The following THEMIS variants were observed in gnomAD, a reference collection of about 807,000 sequenced individuals.
THEMIS encodes the protein protein THEMIS.
THEMIS carries 37 observed loss-of-function variants against 52.6 expected under a neutral mutation model. The ratio of observed to expected loss-of-function variants is 0.70; its 90% CI spans 0.54 to 0.93. The LOEUF (loss-of-function observed/expected upper bound fraction) is 0.93. THEMIS is among the 40% of genes least tolerant of loss of function. THEMIS has a pLI of 0.00. For missense variants in THEMIS, 808 were observed against 763.1 expected (o/e 1.06, Z -0.69); for synonymous variants, 292 against 272.7 (o/e 1.07, Z -0.70).
At chr6:127,710,406 T>A (rs1773936824) in intron 5 of THEMIS, among the ~76,000 whole-genome samples, 4 of 152,002 alleles carry the variant, frequency 2.6e-5, no homozygotes, top group Admixed American at 2.6e-4. Context: ...AGTAAGAAGA[T>A]GAAGCTGATT....
chr6:127,887,913 C>T (rs553846168), intron 1 of THEMIS, among the ~76,000 whole-genome samples: 1 of 152,104 alleles, frequency 6.6e-6, no homozygotes, highest in South Asian at 2.1e-4. Context: ...CTATACCTAA[C>T]TTATACGTAA....
At chr6:127,723,852 T>G (rs1474724002) in intron 4 of THEMIS, among the ~76,000 whole-genome samples, 1 of 152,084 alleles carries the variant, frequency 6.6e-6, no homozygotes, top group Non-Finnish European at 1.5e-5. Context: ...AATCAAATAA[T>G]AGCTGTTTTC....
intron 2 of THEMIS, among the ~76,000 whole-genome samples, chr6:127,848,453 C>T (rs1421330802): frequency 6.6e-6 from 1 of 151,922 alleles, no homozygotes; most frequent in Non-Finnish European, 1.5e-5. Context: ...AATGAGATGG[C>T]TGGGTCAAAT....
At position 127,839,426 on chromosome 6, in the gene THEMIS, T is replaced by G. The variant is rs771534483; in HGVS notation, c.251-9492A>C. 3.5e-4 allele frequency among the ~76,000 whole-genome samples: 54 copies of G among 152,266 alleles called. No homozygotes were observed. The Middle Eastern group carries it at 0.02, about 58-fold the overall frequency. The stretch of plus-strand genomic sequence containing the variant: ...TGTTCATCTTGTCATCTTACCAAGT[T>G]TCAATATTTTGTCTCATTTGATACT... On this transcript the variant is annotated intron_variant, in intron 2 of 5. Coordinates refer to ENST00000368248, the MANE Select transcript of THEMIS (RefSeq NM_001010923.3).
the THEMIS span, among the ~76,000 whole-genome samples, chr6:127,703,035 G>GTTTTTTTTTTT: frequency 8.0e-4 from 66 of 82,378 alleles, 7 homozygotes; most frequent in East Asian, 2.9e-3. Flanking sequence ...TTTAGAATGA[G>GTTTTTTTTTTT]TTTTTTTTTT....
intron 3 of THEMIS, among the ~76,000 whole-genome samples, chr6:127,816,656 C>T (rs768336288): frequency 2.0e-5 from 3 of 152,164 alleles, no homozygotes; most frequent in Non-Finnish European, 4.4e-5. Flanking sequence ...GCTTTCTAAC[C>T]GGTATCCTTG....
At chr6:127,819,044 C>A (rs548547149) in intron 3 of THEMIS, among the ~76,000 whole-genome samples, 1 of 138,288 alleles carries the variant, frequency 7.2e-6, no homozygotes, top group African/African-American at 2.8e-5. Context: ...TGCCTGAACC[C>A]GGGAGGTGGA....
downstream of THEMIS, among the ~76,000 whole-genome samples, chr6:127,706,423 G>A (rs1773799043): frequency 6.6e-6 from 1 of 152,066 alleles, no homozygotes; most frequent in Non-Finnish European, 1.5e-5. Flanking sequence ...TAAACAGGGA[G>A]TCAGTATTCA....
intron 4 of THEMIS, among the ~76,000 whole-genome samples, chr6:127,762,266 G>C (rs1247180529): frequency 6.6e-6 from 1 of 152,044 alleles, no homozygotes; most frequent in East Asian, 1.9e-4. Context: ...GTGAAATGAG[G>C]AGTGACAAAT....
intron 4 of THEMIS, among the ~76,000 whole-genome samples, chr6:127,733,590 T>C (rs1447829380): frequency 1.3e-5 from 2 of 152,126 alleles, no homozygotes; most frequent in East Asian, 1.9e-4. Flanking sequence ...GAGTTAACAA[T>C]GATTATAAAC....
chr6:127,722,711 C>T (rs959782433), intron 4 of THEMIS, among the ~76,000 whole-genome samples: 3 of 151,958 alleles, frequency 2.0e-5, no homozygotes, highest in Admixed American at 6.6e-5. Flanking sequence ...TGCAACCTTA[C>T]CTCCTTGCAA....
chr6:127,717,821 G>A (rs1002417090), intron 5 of THEMIS, among the ~76,000 whole-genome samples: 2 of 118,108 alleles, frequency 1.7e-5, no homozygotes, highest in African/African-American at 2.6e-5. Flanking sequence ...TCTTAATTAG[G>A]CTTTTTTTTT....
At chr6:127,801,172 A>G (rs1388737728) in intron 4 of THEMIS, among the ~76,000 whole-genome samples, 5 of 152,192 alleles carry the variant, frequency 3.3e-5, no homozygotes, top group Non-Finnish European at 7.3e-5. Flanking sequence ...GTGACTCTAT[A>G]CATAATACCT....
rs535618316 is a variant in THEMIS at position 127,838,296 on chromosome 6, A to G, written c.251-8362T>C. On this transcript the variant is annotated intron_variant, in intron 2 of 5. Transcript: ENST00000368248. ...ATTTTTCCCAACTTCATAAATGCAA[A>G]AGCTTAGATACCTATATAGGTGGAA... 3.3e-5 allele frequency among the ~76,000 whole-genome samples: 5 copies of G among 152,218 alleles called. No individual in the cohort carries two copies. In the East Asian group the frequency reaches 9.7e-4, roughly 29 times the overall value.
At chr6:127,884,713 C>T (rs1472808858) in intron 1 of THEMIS, among the ~76,000 whole-genome samples, 1 of 152,134 alleles carries the variant, frequency 6.6e-6, no homozygotes, top group Non-Finnish European at 1.5e-5. Flanking sequence ...ACTGCCGTAA[C>T]AAAATACCAT....
At chr6:127,880,052 GT>G (rs1562317844) in intron 1 of THEMIS, among the ~76,000 whole-genome samples, 1 of 152,062 alleles carries the variant, frequency 6.6e-6, no homozygotes, top group African/African-American at 2.4e-5. Context: ...CACTTTTTAG[GT>G]GCCATCTCTA....
chr6:127,897,935 A>C (rs76486979), intron 1 of THEMIS, among the ~76,000 whole-genome samples: 10,295 of 151,416 alleles, frequency 0.068, 992 homozygotes, highest in East Asian at 0.38. Context: ...TAATGGAATA[A>C]CATACACTGA....
Position 127,776,026 on chromosome 6 carries a change from T to C in THEMIS, c.1758+36857A>G, listed in dbSNP as rs76744504. Among the ~76,000 whole-genome samples the C allele has an allele frequency of 9.7e-3, 1,473 of 152,372 alleles. 25 individuals carry two copies. Among genetic ancestry groups the C allele is most frequent in the African/African-American group, 0.034 (1,405 of 41,584 alleles). On this transcript the variant is annotated intron_variant, in intron 4 of 5. Transcript: ENST00000368248. ...TTTCTAATTTTCCTTGTGATTTTTG[T>C]CTTTGACCCATGTATTCTTTAAAAG...
intron 4 of THEMIS, among the ~76,000 whole-genome samples, chr6:127,805,681 G>A (rs1389895879): frequency 1.3e-5 from 2 of 152,000 alleles, no homozygotes; most frequent in African/African-American, 4.8e-5. Context: ...GGTTTGGGAA[G>A]CAAAGCATAA....
Sources: gnomAD v4.1 joint callset for allele counts (sites outside exome capture counted in the v4.1 genomes callset) on GRCh38, gnomAD v4.1.1 for gene constraint, MANE v1.5 for transcripts, NCBI Gene and HGNC (gene_info 2026-07-23, HGNC 2026-07-21) for gene names.